Variants in STK32B observed in about 807,000 individuals in gnomAD.
STK32B encodes the protein serine/threonine kinase 32B.
In STK32B, 43 loss-of-function variants were observed where a neutral mutation model predicts 52.6. The observed-to-expected ratio is 0.82, with a 90% CI of 0.64 to 1.05. The LOEUF (loss-of-function observed/expected upper bound fraction) is 1.05, where lower values mean the gene tolerates loss of function less well. Among genes scored for constraint, STK32B ranks in the 50% least tolerant of loss-of-function variants. The pLI is 0.00. For missense variants in STK32B, 621 were observed against 534.6 expected (o/e 1.16, Z -1.59); for synonymous variants, 238 against 204.3 (o/e 1.17, Z -1.41).
chr4:5,361,083 C>A (rs941853118), intron 4 of STK32B, among the ~76,000 whole-genome samples: 6 of 152,172 alleles, frequency 3.9e-5, no homozygotes, highest in African/African-American at 1.4e-4. Flanking sequence ...AGTCTTCGTC[C>A]TTTTGTGACT....
In STK32B at chr4:5,291,538, G is replaced by T. The variant is rs117652683; in HGVS notation, c.261-39682G>T. On this transcript the variant is annotated intron_variant, in intron 3 of 11. Coordinates refer to ENST00000282908, the MANE Select transcript of STK32B (RefSeq NM_018401.3). ...GCAGCCTTACTAAATTCATGTATTA[G>T]TTCTAATAGGTTTCTTTGCAGATTA... Among the ~76,000 whole-genome samples the T allele has an allele frequency of 1.9e-3, 284 of 152,150 alleles. 7 individuals are homozygous for T. In the East Asian group the frequency reaches 0.043, roughly 23 times the overall value.
intron 11 of STK32B, among the ~76,000 whole-genome samples, chr4:5,495,249 A>T (rs1409477597): frequency 6.6e-6 from 1 of 152,096 alleles, no homozygotes; most frequent in African/African-American, 2.4e-5. Context: ...ACATAGTCCC[A>T]TATTTCTTGG....
chr4:5,418,906 GT>G (rs2109074286), intron 6 of STK32B, among the ~76,000 whole-genome samples: 1 of 152,302 alleles, frequency 6.6e-6, no homozygotes, highest in East Asian at 1.9e-4. Flanking sequence ...ATGGTGGAGG[GT>G]TTGAATTCCA....
chr4:5,480,689 G>A (rs1054787714), intron 11 of STK32B, among the ~76,000 whole-genome samples: 6 of 151,806 alleles, frequency 4.0e-5, no homozygotes, highest in Admixed American at 1.3e-4. Context: ...CCATTAACTC[G>A]TCATTTAACA....
intron 3 of STK32B, among the ~76,000 whole-genome samples, chr4:5,174,758 G>A (rs1719691142): frequency 6.9e-6 from 1 of 144,776 alleles, no homozygotes; most frequent in East Asian, 2.2e-4. Flanking sequence ...TTCAACTTTG[G>A]TGAATCTGAC....
At position 5,246,977 on chromosome 4, in the gene STK32B, G is replaced by C. The variant is rs563410760; in HGVS notation, c.260+78527G>C. ...ACCCGGCTGTATAAGGTGCCGGTCC[G>C]CCCCTACTGGGGGGTACCTCCCTGT... On this transcript the variant is annotated intron_variant, in intron 3 of 11. Coordinates refer to ENST00000282908, the MANE Select transcript of STK32B (RefSeq NM_018401.3). Among the ~76,000 whole-genome samples the C allele has an allele frequency of 3.3e-5, 5 of 152,262 alleles. No homozygotes were observed. In the South Asian group the frequency reaches 1.0e-3, roughly 32 times the overall value.
At chr4:5,181,798 T>C (rs535841514) in intron 3 of STK32B, among the ~76,000 whole-genome samples, 2 of 152,378 alleles carry the variant, frequency 1.3e-5, no homozygotes, top group African/African-American at 4.8e-5. Context: ...TGGTGGAGTG[T>C]CTTGCCTTGA....
chr4:5,199,578 T>G (rs1387295998), intron 3 of STK32B, among the ~76,000 whole-genome samples: 1 of 152,098 alleles, frequency 6.6e-6, no homozygotes, highest in African/African-American at 2.4e-5. Context: ...TGTCTTTAAA[T>G]TAAATTTTCT....
rs138758786 is a variant in STK32B, at chr4:5,225,213, G to A, written c.260+56763G>A. ...ACAGGTGGATCACTTGAGGTCAGGA[G>A]TTCAAGACCAGCCTAGCTAGCTTGG... On this transcript the variant is annotated intron_variant, in intron 3 of 11. Transcript: ENST00000282908. 6.0e-3 allele frequency among the ~76,000 whole-genome samples: 917 copies of A among 152,186 alleles called. 2 individuals carry two copies. The highest frequency in any genetic ancestry group is 9.5e-3 in the Non-Finnish European group (649 of 68,012).
the STK32B span, among the ~76,000 whole-genome samples, chr4:5,026,517 A>C: frequency 6.6e-6 from 1 of 152,210 alleles, no homozygotes; most frequent in African/African-American, 2.4e-5. Context: ...ATCTTGTGAG[A>C]ACTCACTCAC....
intron 3 of STK32B, among the ~76,000 whole-genome samples, chr4:5,317,040 ATT>A (rs1491357242): frequency 3.8e-5 from 1 of 26,226 alleles, no homozygotes; most frequent in Non-Finnish European, 5.4e-5. Context: ...GATATAATAT[ATT>A]ATATATATAA....
chr4:5,094,815 C>T lies in STK32B; in HGVS notation c.52+42900C>T, dbSNP rs534657299. 6.8e-4 allele frequency among the ~76,000 whole-genome samples: 104 copies of T among 152,176 alleles called. 1 individual carries two copies. The highest frequency in any genetic ancestry group is 2.4e-3 in the African/African-American group (100 of 41,518). ...GACTTTTGACTGTGTAGGGAGTCGGCGCCCCTAACTCCCACATTGTTCTCA... is the reference window on the plus strand; with the variant it reads ...GACTTTTGACTGTGTAGGGAGTCGGTGCCCCTAACTCCCACATTGTTCTCA... On this transcript the variant is annotated intron_variant, in intron 1 of 11. Coordinates refer to ENST00000282908, the MANE Select transcript of STK32B (RefSeq NM_018401.3).
At chr4:5,079,074 T>G (rs977170742) in intron 1 of STK32B, among the ~76,000 whole-genome samples, 1 of 152,180 alleles carries the variant, frequency 6.6e-6, no homozygotes, top group Non-Finnish European at 1.5e-5. Context: ...TCTCCAAACT[T>G]TTTTTAGTAA....
chr4:5,133,603 A>G (rs951244306), intron 1 of STK32B, among the ~76,000 whole-genome samples: 3 of 152,316 alleles, frequency 2.0e-5, no homozygotes, highest in Non-Finnish European at 4.4e-5. Flanking sequence ...TTATTTCTGT[A>G]CTAAGGAGAG....
intron 1 of STK32B, among the ~76,000 whole-genome samples, chr4:5,087,144 T>C (rs1281164764): frequency 6.6e-6 from 1 of 152,156 alleles, no homozygotes; most frequent in Non-Finnish European, 1.5e-5. Flanking sequence ...AAAGCTATAA[T>C]ATGTGGTAAA....
rs1180485953 is a variant in STK32B at position 5,316,223 on chromosome 4, TTA to T, written c.261-14990_261-14989del. 5.9e-4 allele frequency among the ~76,000 whole-genome samples: 42 copies of T among 71,588 alleles called. 7 individuals carry two copies. Among genetic ancestry groups the T allele is most frequent in the African/African-American group, 3.8e-3 (29 of 7,652 alleles). 47.0% of individuals were successfully genotyped at this position (71,588 alleles called of 152,430 possible). ...TATATAATATATATTACATAATATATTATATATACAATATTATATATTGTATA... is the reference window on the plus strand; with the variant it reads ...TATATAATATATATTACATAATATATTATATACAATATTATATATTGTATA... On this transcript the variant is annotated intron_variant, in intron 3 of 11. Coordinates refer to ENST00000282908, the MANE Select transcript of STK32B (RefSeq NM_018401.3).
In STK32B at chr4:5,467,086, C is replaced by G. The variant is rs996451864; in HGVS notation, c.1041+252C>G. The stretch of plus-strand genomic sequence containing the variant: ...TGTAGCTCTAAGGCAGGGGGAGGGA[C>G]CCAGCGGTCCCACTGCGCCCTTGAG... On this transcript the variant is annotated intron_variant, in intron 10 of 11. Coordinates refer to ENST00000282908, the MANE Select transcript of STK32B (RefSeq NM_018401.3). The surrounding 1 kb of genome is among the most constrained non-coding windows in gnomAD (Gnocchi z 5.8). Among the ~76,000 whole-genome samples the G allele has an allele frequency of 1.3e-5, 2 of 152,096 alleles. No homozygotes were observed. The highest frequency in any genetic ancestry group is 1.3e-4 in the Admixed American group (2 of 15,270).
intron 9 of STK32B, among the ~76,000 whole-genome samples, chr4:5,463,303 T>C (rs562409791): frequency 2.1e-4 from 32 of 151,392 alleles, no homozygotes; most frequent in Middle Eastern, 3.4e-3. Context: ...TGTCTGAGCC[T>C]TCCCTGAGGC....
intron 3 of STK32B, among the ~76,000 whole-genome samples, chr4:5,317,075 A>G (rs1405715075): frequency 2.9e-5 from 1 of 34,012 alleles, no homozygotes; most frequent in Non-Finnish European, 4.2e-5. Context: ...AATATATTAT[A>G]TATTATATAT....
Sources: allele counts gnomAD v4.1 joint callset (sites outside exome capture counted in the v4.1 genomes callset), GRCh38; gene constraint gnomAD v4.1.1; non-coding constraint Gnocchi (gnomAD v3.1); transcripts MANE v1.5; gene names NCBI Gene and HGNC (gene_info 2026-07-23, HGNC 2026-07-21).